The following THSD7B variants were observed in gnomAD, a reference collection of about 807,000 sequenced individuals.
The protein encoded by THSD7B is thrombospondin type-1 domain-containing protein 7B.
A neutral mutation model predicts 213.6 loss-of-function variants in THSD7B; 138 were observed. The ratio of observed to expected loss-of-function variants is 0.65; its 90% CI spans 0.56 to 0.74. The LOEUF is 0.74. THSD7B is among the 30% of genes least tolerant of loss of function. THSD7B has a pLI of 0.00. For synonymous variants in THSD7B, 742 were observed against 687.0 expected (o/e 1.08, Z -1.25); for missense variants, 1,931 against 1,991.5 (o/e 0.97, Z 0.58).
In THSD7B at chr2:137,677,213, G is replaced by GT. The variant is rs887078162; in HGVS notation, c.*610dup. On this transcript the variant is annotated 3_prime_UTR_variant, in exon 28 of 28. Coordinates refer to ENST00000409968, the MANE Select transcript of THSD7B (RefSeq NM_001316349.2). ...GCCAGGGGATGATGGCGCTTCATGGGTTGCAGCTACTGAAAATAGCAGCGT... is the reference window on the plus strand; with the variant it reads ...GCCAGGGGATGATGGCGCTTCATGGGTTTGCAGCTACTGAAAATAGCAGCGT... 2.0e-5 allele frequency: 3 copies of GT among 152,592 alleles called. No homozygotes were observed. Among genetic ancestry groups the GT allele is most frequent in the Non-Finnish European group, 4.4e-5 (3 of 68,052 alleles). 9.5% of individuals were successfully genotyped at this position (152,592 alleles called of 1,614,324 possible).
chr2:137,083,753 C>T (rs1041844176), intron 3 of THSD7B, among the ~76,000 whole-genome samples: 4 of 152,004 alleles, frequency 2.6e-5, no homozygotes, highest in African/African-American at 7.2e-5. Context: ...TGCAAACGTT[C>T]GCTGAGTTAG....
Position 137,530,481 on chromosome 2 carries a change from A to T in THSD7B, c.3139-32740A>T, listed in dbSNP as rs368544015. 3.9e-5 allele frequency among the ~76,000 whole-genome samples: 6 copies of T among 152,096 alleles called. No homozygotes were observed. In the South Asian group the frequency reaches 1.2e-3, roughly 32 times the overall value. On this transcript the variant is annotated intron_variant, in intron 15 of 27. Coordinates refer to ENST00000409968, the MANE Select transcript of THSD7B (RefSeq NM_001316349.2). ...CCACAATATAAATGATACTTCCTGG[A>T]TTTGTAAAATGACCCTTGAAATGAC...
At chr2:136,972,768 A>G (rs1685424276) in intron 2 of THSD7B, among the ~76,000 whole-genome samples, 1 of 152,218 alleles carries the variant, frequency 6.6e-6, no homozygotes, top group Non-Finnish European at 1.5e-5. Context: ...TGCATCACAT[A>G]TGAATCACAT....
At chr2:137,310,363 C>T in intron 12 of THSD7B, among the ~76,000 whole-genome samples, 1 of 141,634 alleles carries the variant, frequency 7.1e-6, no homozygotes. Context: ...TTGTTTTTTT[C>T]TTGTAAATTT....
At chr2:137,362,826 A>G (rs1355914341) in intron 12 of THSD7B, among the ~76,000 whole-genome samples, 1 of 152,206 alleles carries the variant, frequency 6.6e-6, no homozygotes, top group South Asian at 2.1e-4. Flanking sequence ...AGACAGATCA[A>G]TGAGACAGAA....
intron 12 of THSD7B, among the ~76,000 whole-genome samples, chr2:137,320,124 G>T (rs1684229800): frequency 1.3e-5 from 2 of 152,150 alleles, no homozygotes; most frequent in Non-Finnish European, 1.5e-5. Context: ...ATGTGTTTAG[G>T]CCACTATAAT....
intron 1 of THSD7B, among the ~76,000 whole-genome samples, chr2:136,837,865 A>G (rs1382871891): frequency 2.0e-5 from 3 of 152,198 alleles, no homozygotes; most frequent in Non-Finnish European, 4.4e-5. Context: ...GTCCTTTTAG[A>G]ATGGAGGAGC....
intron 5 of THSD7B, among the ~76,000 whole-genome samples, chr2:137,137,573 G>T (rs1450307847): frequency 6.6e-6 from 1 of 152,094 alleles, no homozygotes; most frequent in Admixed American, 6.6e-5. Context: ...TGCTGTATAG[G>T]TTTACAGCCT....
intron 14 of THSD7B, among the ~76,000 whole-genome samples, chr2:137,435,284 A>G (rs757092620): frequency 1.3e-5 from 2 of 152,196 alleles, no homozygotes; most frequent in Non-Finnish European, 2.9e-5. Context: ...AGGGTATGCC[A>G]TGTGTTAGGC....
Position 137,637,916 on chromosome 2 carries a change from G to A in THSD7B, c.3800-4572G>A, listed in dbSNP as rs927978172. Among the ~76,000 whole-genome samples, 3 of 152,262 alleles carry A rather than the reference G, an allele frequency of 2.0e-5. No homozygotes were observed. The East Asian group carries it at 5.8e-4, about 29-fold the overall frequency. ...AATTATAATGACATTAGGATAATAG[G>A]TGTTTCAGTCAAGAGAATAAACATT... On this transcript the variant is annotated intron_variant, in intron 20 of 27. Transcript: ENST00000409968.
At chr2:137,459,662 C>T (rs960500604) in intron 15 of THSD7B, among the ~76,000 whole-genome samples, 9 of 150,592 alleles carry the variant, frequency 6.0e-5, no homozygotes, top group Non-Finnish European at 1.3e-4. Context: ...GAGACTCTGT[C>T]TTTAAAGAAA....
At chr2:136,871,444 T>A (rs1225412695) in intron 1 of THSD7B, among the ~76,000 whole-genome samples, 2 of 151,724 alleles carry the variant, frequency 1.3e-5, no homozygotes, top group South Asian at 4.2e-4. Context: ...TGAAAATAAA[T>A]AGCCTGAGAG....
At chr2:137,581,204 T>C (rs1681566713) in intron 17 of THSD7B, among the ~76,000 whole-genome samples, 1 of 152,238 alleles carries the variant, frequency 6.6e-6, no homozygotes, top group Non-Finnish European at 1.5e-5. Flanking sequence ...TTATTATTGC[T>C]GATATTATTT....
chr2:136,875,529 A>T (rs1683513812), intron 1 of THSD7B, among the ~76,000 whole-genome samples: 1 of 152,196 alleles, frequency 6.6e-6, no homozygotes, highest in Admixed American at 6.5e-5. Flanking sequence ...GATTCTTTTA[A>T]TCATTGTGTA....
At chr2:137,567,441 A>T (rs1681262292) in intron 16 of THSD7B, among the ~76,000 whole-genome samples, 1 of 152,084 alleles carries the variant, frequency 6.6e-6, no homozygotes, top group African/African-American at 2.4e-5. Flanking sequence ...TTTACATTTG[A>T]AAAGAGCCTT....
At chr2:137,409,799 G>A (rs1686607571) in intron 13 of THSD7B, among the ~76,000 whole-genome samples, 1 of 152,182 alleles carries the variant, frequency 6.6e-6, no homozygotes, top group South Asian at 2.1e-4. Flanking sequence ...GATGGAACTT[G>A]GAAAGAATAT....
At chr2:137,293,147 T>C (rs1683377497) in intron 12 of THSD7B, among the ~76,000 whole-genome samples, 1 of 151,978 alleles carries the variant, frequency 6.6e-6, no homozygotes, top group Non-Finnish European at 1.5e-5. Context: ...AGATAGTCTT[T>C]TTTTTTTTCT....
intron 2 of THSD7B, among the ~76,000 whole-genome samples, chr2:137,005,537 G>A (rs1686087733): frequency 6.6e-6 from 1 of 152,154 alleles, no homozygotes; most frequent in Non-Finnish European, 1.5e-5. Flanking sequence ...GGAAGAAATT[G>A]AGATATCTTA....
In THSD7B at chr2:136,983,018, A is replaced by G. The variant is rs570610755; in HGVS notation, c.140-73402A>G. On this transcript the variant is annotated intron_variant, in intron 2 of 27. Transcript: ENST00000409968. ...CAGTAGAGGCCCATGCGAGCTCAAC[A>G]TGTGTACTGAGAAGTGTTAGTTTCT... Among the ~76,000 whole-genome samples the G allele has an allele frequency of 1.4e-4, 21 of 152,038 alleles. No individual in the cohort carries two copies. The South Asian group carries it at 4.4e-3, about 32-fold the overall frequency.
Sources: gnomAD v4.1 joint callset for allele counts (sites outside exome capture counted in the v4.1 genomes callset) on GRCh38, gnomAD v4.1.1 for gene constraint, MANE v1.5 for transcripts, NCBI Gene and HGNC (gene_info 2026-07-23, HGNC 2026-07-21) for gene names.